TRAF1: variants seen among roughly 807,000 people sequenced by gnomAD.
The protein encoded by TRAF1 is TNF receptor-associated factor 1.
Under a neutral mutation model 40.9 loss-of-function variants are expected in TRAF1, and 23 were observed. That is an observed-to-expected ratio of 0.56 (90% CI 0.40 to 0.80). The LOEUF is 0.80. Among genes scored for constraint, TRAF1 ranks in the 30% least tolerant of loss-of-function variants. The probability of loss-of-function intolerance (pLI) is 0.00; values close to 1 mark genes in which losing one functional copy is unlikely to be tolerated. For synonymous variants in TRAF1, 206 were observed against 218.8 expected, an observed-to-expected ratio of 0.94 and a Z score of 0.52; for missense variants, 477 against 528.7, an observed-to-expected ratio of 0.90 and a Z score of 0.96.
At chr9:120,909,141 A>G (rs1046227072) in intron 7 of TRAF1, 89 bp downstream of exon 7, 18 of 1,502,924 alleles carry the variant, frequency 1.2e-5, no homozygotes, top group East Asian at 1.1e-4. Flanking sequence ...GGGACTTGCC[A>G]GGTCACATGG....
chr9:120,911,513 C>T lies in TRAF1; in HGVS notation c.706G>A (p.Val236Met), dbSNP rs1564118104. The change falls in exon 6 of 8, where the codon GTG (valine) becomes ATG (methionine). Residue 236 changes from valine (V) to methionine (M), a missense_variant and splice_region_variant. Physicochemically the swap from Val to Met is conservative, Grantham distance 21. Transcript: ENST00000373887. ...RERILSLEQR[V>M]VELQQTLAQK... Reference sequence around the variant, plus strand: ...GCCAGGGTCTGCTGAAGCTCCACCACCTGTAGGGAAGACTGTTCAGCCAGG... The same window carrying T: ...GCCAGGGTCTGCTGAAGCTCCACCATCTGTAGGGAAGACTGTTCAGCCAGG... 1 of 1,609,604 alleles carries T rather than the reference C, an allele frequency of 6.2e-7. No homozygotes were observed. Among genetic ancestry groups the T allele is most frequent in the Admixed American group, 1.7e-5 (1 of 59,932 alleles).
chr9:120,915,625 G>A (rs894741731), intron 3 of TRAF1, among the ~76,000 whole-genome samples: 1 of 152,106 alleles, frequency 6.6e-6, no homozygotes, highest in Non-Finnish European at 1.5e-5. Context: ...TTGAGGCCAG[G>A]AGTTCAAGAC....
chr9:120,918,939 A>C (rs2046586732), intron 3 of TRAF1, among the ~76,000 whole-genome samples: 1 of 152,170 alleles, frequency 6.6e-6, no homozygotes, highest in African/African-American at 2.4e-5. Flanking sequence ...TCCCTCGGGT[A>C]GGTGGAGAAG....
chr9:120,920,181 C>T (rs550049492), intron 3 of TRAF1, among the ~76,000 whole-genome samples: 1 of 152,272 alleles, frequency 6.6e-6, no homozygotes, highest in East Asian at 1.9e-4. Flanking sequence ...AAAGACTGCT[C>T]AGTGTCTTTC....
In TRAF1 at chr9:120,926,117, C is replaced by T. The variant is rs760950789; in HGVS notation, c.-42G>A. On this transcript the variant is annotated 5_prime_UTR_variant, in exon 2 of 8. Transcript: ENST00000373887. Reference sequence around the variant, plus strand: ...GGCCAGAGGGCCTGTTTAAGTTGCTCCAGGGCAGGGGACCAGCCTTGTGGA... The same window carrying T: ...GGCCAGAGGGCCTGTTTAAGTTGCTTCAGGGCAGGGGACCAGCCTTGTGGA... 3.3e-6 allele frequency: 5 copies of T among 1,507,560 alleles called. No homozygotes were observed. The highest frequency in any genetic ancestry group is 1.3e-5 in the South Asian group (1 of 74,386). The allele number at this position is 1,507,560 out of a possible 1,614,324, so 93.4% of individuals were successfully genotyped here.
chr9:120,918,333 A>T (rs1486161696), intron 3 of TRAF1, among the ~76,000 whole-genome samples: 1 of 152,078 alleles, frequency 6.6e-6, no homozygotes, highest in Admixed American at 6.6e-5. Context: ...TACTAATAAT[A>T]AATTAATAGT....
intron 5 of TRAF1, among the ~76,000 whole-genome samples, chr9:120,912,647 C>T (rs937011108): frequency 6.7e-6 from 1 of 150,060 alleles, no homozygotes; most frequent in Non-Finnish European, 1.5e-5. Context: ...CAGAGCAATA[C>T]TCTGTCTCAA....
intron 7 of TRAF1, 28 bp from the exon 8 acceptor site, chr9:120,905,266 A>C: frequency 6.3e-7 from 1 of 1,576,944 alleles, no homozygotes; most frequent in Non-Finnish European, 8.6e-7. Flanking sequence ...GTGGGAGATC[A>C]GGCCCTACAG....
At chr9:120,915,927 C>T (rs140478608) in intron 3 of TRAF1, among the ~76,000 whole-genome samples, 3 of 152,124 alleles carry the variant, frequency 2.0e-5, no homozygotes, top group African/African-American at 7.2e-5. Flanking sequence ...ACTTATAAAC[C>T]ATACTTATAA....
In TRAF1 at chr9:120,919,075, A is replaced by C. The variant is rs555701793; in HGVS notation, c.228+4630T>G. Among the ~76,000 whole-genome samples the C allele has an allele frequency of 3.3e-5, 5 of 152,254 alleles. No homozygotes were observed. The South Asian group carries it at 1.0e-3, about 32-fold the overall frequency. ...TAGTGTCCTTGCCTGGGGTGGCCTC[A>C]CTCAAAGGCCAGGGACCGAGGGGAC... On this transcript the variant is annotated intron_variant, in intron 3 of 7. Transcript: ENST00000373887.
At chr9:120,906,117 C>G (rs965517493) in intron 7 of TRAF1, among the ~76,000 whole-genome samples, 1 of 151,888 alleles carries the variant, frequency 6.6e-6, no homozygotes, top group African/African-American at 2.4e-5. Flanking sequence ...TGCAATGCTG[C>G]TGTTCACCCA....
chr9:120,913,531 G>T lies in TRAF1; in HGVS notation c.502C>A (p.Pro168Thr). The change falls in exon 5 of 8, where the codon CCC becomes ACC. Residue 168 changes from proline to threonine, a missense_variant. Coordinates refer to ENST00000373887, the MANE Select transcript of TRAF1 (RefSeq NM_005658.5). The stretch of plus-strand genomic sequence containing the variant: ...AGCTCCTCCTGGCTCTCGGAGCAGG[G>T]TGCCCGGTAGCAATCGACCTCCAGG... ...GDLEVDCYRA[P>T]CSESQEELAL... The T allele has an allele frequency of 1.2e-6, 2 of 1,613,838 alleles. No homozygotes were observed. The highest frequency in any genetic ancestry group is 1.7e-6 in the Non-Finnish European group (2 of 1,179,982).
rs1180129938 is a variant in TRAF1, at chr9:120,902,581, T to G, written c.*2439A>C. On this transcript the variant is annotated 3_prime_UTR_variant, in exon 8 of 8. Coordinates refer to ENST00000373887, the MANE Select transcript of TRAF1 (RefSeq NM_005658.5). ...CTCCAGTTCATCTGACCCTTCTGAC[T>G]CCCTCCCCCATCCTGCCACACAGAC... 1 of 151,598 alleles carries G rather than the reference T, an allele frequency of 6.6e-6. No individual in the cohort carries two copies. Among genetic ancestry groups the G allele is most frequent in the Non-Finnish European group, 1.5e-5 (1 of 67,976 alleles). 9.4% of individuals were successfully genotyped at this position (151,598 alleles called of 1,614,324 possible).
intron 5 of TRAF1, among the ~76,000 whole-genome samples, chr9:120,911,781 C>T (rs907166886): frequency 2.6e-5 from 4 of 152,144 alleles, no homozygotes; most frequent in African/African-American, 9.7e-5. Flanking sequence ...TTACAGAGCC[C>T]TTACAATGAT....
chr9:120,924,543 T>C (rs568832202), intron 2 of TRAF1, among the ~76,000 whole-genome samples: 4 of 152,324 alleles, frequency 2.6e-5, no homozygotes, highest in South Asian at 2.1e-4. Flanking sequence ...GCCTCCCAAG[T>C]AGCTGGGATT....
At chr9:120,928,655 C>G (rs927542542), upstream of TRAF1, 1 of 152,386 alleles carries the variant, frequency 6.6e-6, no homozygotes, top group Non-Finnish European at 1.5e-5. Context: ...CTTTGGGGCG[C>G]CCCTGCACCA....
At chr9:120,921,366 C>T (rs955453256) in intron 3 of TRAF1, among the ~76,000 whole-genome samples, 2 of 151,910 alleles carry the variant, frequency 1.3e-5, no homozygotes, top group Non-Finnish European at 2.9e-5. Flanking sequence ...CATCAGAATG[C>T]TTTTACTTTC....
intron 3 of TRAF1, among the ~76,000 whole-genome samples, chr9:120,914,796 G>A (rs994412770): frequency 8.5e-5 from 13 of 152,162 alleles, no homozygotes; most frequent in Admixed American, 2.0e-4. Flanking sequence ...TGTCCACTCC[G>A]CACAACTTTC....
intron 3 of TRAF1, among the ~76,000 whole-genome samples, chr9:120,915,831 C>T (rs2046565467): frequency 6.6e-6 from 1 of 151,648 alleles, no homozygotes; most frequent in Non-Finnish European, 1.5e-5. Context: ...AAGACCTTGT[C>T]TCTCTTAAAA....
Sources: allele counts gnomAD v4.1 joint callset (sites outside exome capture counted in the v4.1 genomes callset), GRCh38; gene constraint gnomAD v4.1.1; transcripts MANE v1.5; gene names NCBI Gene and HGNC (gene_info 2026-07-23, HGNC 2026-07-21).